The following ZYG11B variants were observed in gnomAD, a reference collection of about 807,000 sequenced individuals.
The protein encoded by ZYG11B is protein zyg-11 homolog B.
In ZYG11B, 36 loss-of-function variants were observed where a neutral mutation model predicts 82.4. That is an observed-to-expected ratio of 0.44 (90% confidence interval 0.33 to 0.58). ZYG11B has a LOEUF of 0.58. Ranked by LOEUF, ZYG11B falls within the 20% of genes least tolerant of loss-of-function variation. The probability of loss-of-function intolerance (pLI) is 0.02; values close to 1 mark genes in which losing one functional copy is unlikely to be tolerated. For missense variants in ZYG11B, 552 were observed against 895.6 expected, an observed-to-expected ratio of 0.62 and a Z score of 4.90; for synonymous variants, 303 against 312.8, an observed-to-expected ratio of 0.97 and a Z score of 0.33.
At chr1:52,819,824 CAT>C (rs68015970) in intron 13 of ZYG11B, among the ~76,000 whole-genome samples, 5,559 of 151,200 alleles carry the variant, frequency 0.037, 331 homozygotes, top group African/African-American at 0.13. Flanking sequence ...AGTGCATTTT[CAT>C]ATGAGTATTT....
In ZYG11B at chr1:52,806,298, GATTA is replaced by G. The variant is rs576664618; in HGVS notation, c.1695+4165_1695+4168del. 4.6e-5 allele frequency among the ~76,000 whole-genome samples: 7 copies of G among 152,184 alleles called. No homozygotes were observed. The South Asian group carries it at 8.3e-4, about 18-fold the overall frequency. ...CAGGTCACTGATTGTTAATTAGCTT[GATTA>G]ATTAACACTAATTAATAATTAGATT... On this transcript the variant is annotated intron_variant, in intron 10 of 13. Transcript: ENST00000294353.
intron 3 of ZYG11B, chr1:52,772,269 T>C: frequency 7.6e-7 from 1 of 1,320,870 alleles, no homozygotes; most frequent in Non-Finnish European, 1.1e-6. Context: ...TCTTATAATA[T>C]TGAGCCAAAC....
intron 4 of ZYG11B, among the ~76,000 whole-genome samples, chr1:52,782,144 C>T (rs893266051): frequency 2.7e-5 from 4 of 149,620 alleles, no homozygotes; most frequent in Admixed American, 2.0e-4. Flanking sequence ...TGGCTCACTG[C>T]AGCCTCGACC....
intron 10 of ZYG11B, among the ~76,000 whole-genome samples, chr1:52,803,545 A>G (rs1645116548): frequency 1.3e-5 from 2 of 151,448 alleles, no homozygotes; most frequent in Admixed American, 6.6e-5. Context: ...TAATACGCAT[A>G]TGCTTCTTTA....
Position 52,738,914 on chromosome 1 carries a change from CT to C in ZYG11B, c.30+12241del, listed in dbSNP as rs931598960. ...TGTGAGCCACCATGCCCGGCCAGGA[CT>C]TTTTTTTTTAAAGCTGGAATATTCT... On this transcript the variant is annotated intron_variant, in intron 1 of 13. Coordinates refer to ENST00000294353, the MANE Select transcript of ZYG11B (RefSeq NM_024646.3). Among the ~76,000 whole-genome samples the C allele has an allele frequency of 1.0e-4, 14 of 138,926 alleles. 1 individual carries two copies. Among genetic ancestry groups the C allele is most frequent in the East Asian group, 2.3e-4 (1 of 4,288 alleles). 91.1% of individuals were successfully genotyped at this position (138,926 alleles called of 152,430 possible).
At chr1:52,785,667 G>A (rs1019770223) in intron 5 of ZYG11B, among the ~76,000 whole-genome samples, 1 of 152,080 alleles carries the variant, frequency 6.6e-6, no homozygotes, top group Non-Finnish European at 1.5e-5. Flanking sequence ...ATGTTGGTGA[G>A]GATAGTCTCC....
At chr1:52,749,710 G>T (rs1016559449) in intron 1 of ZYG11B, among the ~76,000 whole-genome samples, 1 of 151,318 alleles carries the variant, frequency 6.6e-6, no homozygotes, top group Non-Finnish European at 1.5e-5. Context: ...TTGCCACCAC[G>T]CTTGGCTAAT....
chr1:52,816,842 A>C (rs1645228838), intron 13 of ZYG11B, among the ~76,000 whole-genome samples: 1 of 134,860 alleles, frequency 7.4e-6, no homozygotes, highest in African/African-American at 3.0e-5. Flanking sequence ...AGGCTGGAGT[A>C]CAGTGGCGCG....
chr1:52,794,682 A>G (rs1281026496), intron 6 of ZYG11B, among the ~76,000 whole-genome samples: 2 of 152,180 alleles, frequency 1.3e-5, no homozygotes, highest in Non-Finnish European at 2.9e-5. Flanking sequence ...AAACCACCTC[A>G]AAGGCAGTGA....
rs564036471 is a variant in ZYG11B at position 52,771,880 on chromosome 1, C to T, written c.951+106C>T. The T allele has an allele frequency of 1.1e-4, 149 of 1,343,772 alleles. No homozygotes were observed. In the African/African-American group the frequency reaches 2.1e-3, roughly 19 times the overall value. 83.2% of individuals were successfully genotyped at this position (1,343,772 alleles called of 1,614,324 possible). A position where few individuals can be genotyped will look rare whatever the true frequency, so the allele number is the denominator to read the frequency against. On this transcript the variant is annotated intron_variant, in intron 3 of 13. Coordinates refer to ENST00000294353, the MANE Select transcript of ZYG11B (RefSeq NM_024646.3). This position sits in a 1 kb window ranked among gnomAD's most constrained non-coding sequence, Gnocchi z 5.4. ...TAATATATGGAACATGTTCATGAAACAGGGCTGCATATAGTTGAAAGGCTT... is the reference window on the plus strand; with the variant it reads ...TAATATATGGAACATGTTCATGAAATAGGGCTGCATATAGTTGAAAGGCTT...
At chr1:52,797,131 T>C (rs1645023148) in intron 8 of ZYG11B, among the ~76,000 whole-genome samples, 1 of 70,346 alleles carries the variant, frequency 1.4e-5, no homozygotes, top group Non-Finnish European at 2.1e-5. Context: ...ATATATTATA[T>C]ATTTATATAT....
chr1:52,816,653 G>A (rs1285006630), intron 13 of ZYG11B, 24 bp downstream of exon 13: 27 of 1,519,534 alleles, frequency 1.8e-5, no homozygotes, highest in Non-Finnish European at 2.3e-5. Context: ...AAAAAGAACT[G>A]TGTTTTTTTT....
chr1:52,745,962 CTT>C (rs71938564), intron 1 of ZYG11B, among the ~76,000 whole-genome samples: 18,455 of 143,316 alleles, frequency 0.13, 2,544 homozygotes, highest in East Asian at 0.36. Context: ...GAATATTTAA[CTT>C]TTTTTTTTTT....
chr1:52,732,621 T>C (rs1240526962), intron 1 of ZYG11B, among the ~76,000 whole-genome samples: 1 of 152,090 alleles, frequency 6.6e-6, no homozygotes, highest in Non-Finnish European at 1.5e-5. Context: ...AAAAACTAGC[T>C]GAGCGTGGTG....
intron 2 of ZYG11B, among the ~76,000 whole-genome samples, chr1:52,759,144 T>C (rs921658658): frequency 4.6e-5 from 7 of 152,060 alleles, no homozygotes; most frequent in Non-Finnish European, 7.4e-5. Flanking sequence ...GTTGGCCAGG[T>C]TGATCTTGAA....
intron 4 of ZYG11B, among the ~76,000 whole-genome samples, chr1:52,783,853 T>TGTGTGTATGTACATACAC (rs1558132638): frequency 7.0e-5 from 4 of 57,158 alleles, no homozygotes; most frequent in African/African-American, 2.2e-4. Context: ...TACATACACG[T>TGTGTGTATGTACATACAC]GTGTGTGTAT....
At chr1:52,791,959 A>G (rs1309625509) in intron 6 of ZYG11B, among the ~76,000 whole-genome samples, 4 of 152,200 alleles carry the variant, frequency 2.6e-5, no homozygotes, top group South Asian at 4.1e-4. Context: ...CTCTAGGCCT[A>G]TGGGCTATAG....
At chr1:52,761,118 T>C (rs1384805705) in intron 2 of ZYG11B, among the ~76,000 whole-genome samples, 1 of 152,196 alleles carries the variant, frequency 6.6e-6, no homozygotes, top group African/African-American at 2.4e-5. Context: ...GGGTATGTCA[T>C]GATGCTTCAG....
chr1:52,795,001 G>C (rs552883960), intron 6 of ZYG11B, among the ~76,000 whole-genome samples: 33 of 152,228 alleles, frequency 2.2e-4, no homozygotes, highest in African/African-American at 7.7e-4. Flanking sequence ...TCATATTCCT[G>C]CTCAGAAGCC....
Sources: allele counts gnomAD v4.1 joint callset (sites outside exome capture counted in the v4.1 genomes callset), GRCh38; gene constraint gnomAD v4.1.1; non-coding constraint Gnocchi (gnomAD v3.1); transcripts MANE v1.5; gene names NCBI Gene and HGNC (gene_info 2026-07-23, HGNC 2026-07-21).